FAM167A: variants seen among roughly 807,000 people sequenced by gnomAD.
FAM167A encodes the protein family with sequence similarity 167 member A, also known as protein FAM167A.
In FAM167A, 23 loss-of-function variants were observed where a neutral mutation model predicts 14.9. That is an observed-to-expected ratio of 1.55 (90% CI 1.11 to 2.19). The LOEUF is 2.19. FAM167A is among the 30% of genes most tolerant of loss of function. The pLI, the probability that FAM167A is intolerant of heterozygous loss-of-function variation, is 0.00. For synonymous variants in FAM167A, 174 were observed against 117.7 expected (o/e 1.48, Z -3.10); for missense variants, 401 against 281.5 (o/e 1.42, Z -3.04).
upstream of FAM167A, among the ~76,000 whole-genome samples, chr8:11,472,437 G>GTTT (rs113039104): frequency 0.01 from 1,275 of 122,452 alleles, 32 homozygotes; most frequent in Middle Eastern, 0.024. Flanking sequence ...TGTTTTTTGG[G>GTTT]TTTTTTTTTT....
At chr8:11,453,487 G>C (rs1461556556) in intron 1 of FAM167A, among the ~76,000 whole-genome samples, 2 of 152,204 alleles carry the variant, frequency 1.3e-5, no homozygotes, top group African/African-American at 4.8e-5. Flanking sequence ...CAGATGAAGA[G>C]ACCGAGGCAC....
chr8:11,453,186 T>C (rs1807095064), intron 1 of FAM167A, among the ~76,000 whole-genome samples: 1 of 152,224 alleles, frequency 6.6e-6, no homozygotes, highest in Non-Finnish European at 1.5e-5. Flanking sequence ...TAAGTAACTT[T>C]GTTATTGAGA....
At chr8:11,467,186 A>T (rs1457470529), upstream of FAM167A, among the ~76,000 whole-genome samples, 1 of 152,144 alleles carries the variant, frequency 6.6e-6, no homozygotes, top group Non-Finnish European at 1.5e-5. Context: ...ACCGTGGGCC[A>T]CGCCCCCCAA....
At chr8:11,465,490 C>A (rs552588952) in intron 1 of FAM167A, among the ~76,000 whole-genome samples, 1 of 152,228 alleles carries the variant, frequency 6.6e-6, no homozygotes, top group Non-Finnish European at 1.5e-5. Flanking sequence ...CTAAGTAGTG[C>A]ATGGTCCATA....
chr8:11,428,873 A>G (rs570514199), intron 2 of FAM167A, among the ~76,000 whole-genome samples: 184 of 152,326 alleles, frequency 1.2e-3, no homozygotes, highest in Middle Eastern at 6.8e-3. Context: ...AACCAAATCC[A>G]CACGAGTTCC....
chr8:11,424,651 G>A lies in FAM167A; in HGVS notation c.382-15C>T, dbSNP rs767037170. ...CGCATCTCCGTCTGGAAGGGAGGGG[G>A]AGCAGGCAGGGTCAGCAGAGAGTGG... On this transcript the variant is annotated splice_polypyrimidine_tract_variant and intron_variant, in intron 2 of 2. Coordinates refer to ENST00000284486, the MANE Select transcript of FAM167A (RefSeq NM_053279.3). 6 of 1,612,360 alleles carry A rather than the reference G, an allele frequency of 3.7e-6. No individual in the cohort carries two copies. In the South Asian group the frequency reaches 5.5e-5, roughly 15 times the overall value.
At chr8:11,449,538 G>A (rs774531892) in intron 1 of FAM167A, among the ~76,000 whole-genome samples, 1 of 152,152 alleles carries the variant, frequency 6.6e-6, no homozygotes. Context: ...TCGTTCCTAG[G>A]GGTGGAGGGG....
chr8:11,425,029 G>A (rs960223308), intron 2 of FAM167A, among the ~76,000 whole-genome samples: 9 of 152,200 alleles, frequency 5.9e-5, no homozygotes, highest in African/African-American at 2.2e-4. Flanking sequence ...GAGGGACTGT[G>A]ATTGGGAAAG....
intron 2 of FAM167A, among the ~76,000 whole-genome samples, chr8:11,437,742 C>G (rs2898279): frequency 0.66 from 99,173 of 149,152 alleles, 32,993 homozygotes; most frequent in East Asian, 0.7. Flanking sequence ...CCCATACCGT[C>G]GTGTGCTGTT....
intron 2 of FAM167A, among the ~76,000 whole-genome samples, chr8:11,437,302 T>C (rs574756810): frequency 1.3e-5 from 2 of 152,324 alleles, no homozygotes; most frequent in African/African-American, 4.8e-5. Context: ...GAAAGATTGC[T>C]GTGGCTACTG....
At chr8:11,464,553 G>A (rs1315286508) in intron 1 of FAM167A, among the ~76,000 whole-genome samples, 1 of 152,188 alleles carries the variant, frequency 6.6e-6, no homozygotes, top group Non-Finnish European at 1.5e-5. Context: ...GTCTCGGGGT[G>A]CATTTGCACA....
chr8:11,442,634 C>A (rs749018456), intron 2 of FAM167A, among the ~76,000 whole-genome samples: 6 of 152,038 alleles, frequency 3.9e-5, no homozygotes, highest in Non-Finnish European at 7.4e-5. Flanking sequence ...ATTCAAAGAG[C>A]AGCTGGGGGC....
At chr8:11,462,695 TG>T (rs1319221014) in intron 1 of FAM167A, among the ~76,000 whole-genome samples, 6 of 152,270 alleles carry the variant, frequency 3.9e-5, no homozygotes, top group Non-Finnish European at 2.9e-5. Context: ...TGGGCTGTTC[TG>T]TGTGGTTTCA....
chr8:11,451,978 A>G (rs919927008), intron 1 of FAM167A, among the ~76,000 whole-genome samples: 1 of 152,230 alleles, frequency 6.6e-6, no homozygotes. Flanking sequence ...GAAATGAGAC[A>G]GGAAGCACAA....
rs561359649 is a variant in FAM167A, at chr8:11,439,856, G to A, written c.381+4175C>T. 2.9e-3 allele frequency among the ~76,000 whole-genome samples: 439 copies of A among 152,260 alleles called. 3 individuals carry two copies. Among genetic ancestry groups the A allele is most frequent in the Middle Eastern group, 6.8e-3 (2 of 294 alleles). On this transcript the variant is annotated intron_variant, in intron 2 of 2. Transcript: ENST00000284486. The stretch of plus-strand genomic sequence containing the variant: ...ATGAAGAGAGAAAACAGAAAGGAGG[G>A]TCCCTGCTCCCCTGTGCTGAGTGCC...
chr8:11,428,767 G>A (rs1585230305), intron 2 of FAM167A, among the ~76,000 whole-genome samples: 1 of 152,298 alleles, frequency 6.6e-6, no homozygotes, highest in African/African-American at 2.4e-5. Context: ...GCCCATGCTC[G>A]GCTGCTCCCT....
intron 2 of FAM167A, among the ~76,000 whole-genome samples, chr8:11,437,206 T>C (rs1806080254): frequency 6.6e-6 from 1 of 152,208 alleles, no homozygotes; most frequent in African/African-American, 2.4e-5. Flanking sequence ...TGAGTTCAAA[T>C]TCCTGCTCTG....
chr8:11,465,862 C>G (rs1199725510), intron 1 of FAM167A, among the ~76,000 whole-genome samples: 2 of 152,208 alleles, frequency 1.3e-5, no homozygotes, highest in Non-Finnish European at 2.9e-5. Context: ...ACGGCAGTGG[C>G]CAGCCCCCAA....
Position 11,444,187 on chromosome 8 carries a change from C to A in FAM167A, c.225G>T (p.Glu75Asp), listed in dbSNP as rs1371481337. 1.2e-6 allele frequency: 2 copies of A among 1,613,012 alleles called. No homozygotes were observed. Among genetic ancestry groups the A allele is most frequent in the Non-Finnish European group, 1.7e-6 (2 of 1,179,876 alleles). ...AEPQASLEEG[E>D]RGGQEPLLPL... ...GGAGCAAGGGCTCCTGCCCCCCACG[C>A]TCCCCCTCCTCCAAGCTCGCCTGTG... Residue 75 changes from glutamate (E) to aspartate (D), a missense_variant, in exon 2 of 3, where the codon GAG (glutamate) becomes GAT (aspartate). Physicochemically the swap from Glu to Asp is conservative, Grantham distance 45. Transcript: ENST00000284486.
Sources: allele counts gnomAD v4.1 joint callset (sites outside exome capture counted in the v4.1 genomes callset), GRCh38; gene constraint gnomAD v4.1.1; transcripts MANE v1.5; gene names NCBI Gene and HGNC (gene_info 2026-07-23, HGNC 2026-07-21).